TNFSF4: variants seen among roughly 807,000 people sequenced by gnomAD.
The protein encoded by TNFSF4 is tumor necrosis factor ligand superfamily member 4.
TNFSF4 carries 4 observed loss-of-function variants against 7.3 expected under a neutral mutation model. The observed-to-expected ratio is 0.55, with a 90% CI of 0.27 to 1.25. The LOEUF (loss-of-function observed/expected upper bound fraction) is 1.25, where lower values mean the gene tolerates loss of function less well. Among genes scored for constraint, TNFSF4 ranks in the 50% most tolerant of loss-of-function variants. TNFSF4 has a pLI of 0.12. For synonymous variants in TNFSF4, 76 were observed against 83.7 expected (o/e 0.91, Z 0.50); for missense variants, 181 against 208.8 (o/e 0.87, Z 0.82).
the TNFSF4 span, among the ~76,000 whole-genome samples, chr1:173,381,797 T>C: frequency 2.6e-5 from 4 of 152,104 alleles, no homozygotes; most frequent in African/African-American, 4.8e-5. Context: ...GGTGGGGACT[T>C]GAAGAACTTT....
the TNFSF4 span, among the ~76,000 whole-genome samples, chr1:173,216,626 C>A: frequency 1.3e-5 from 2 of 152,106 alleles, no homozygotes; most frequent in Non-Finnish European, 2.9e-5. Flanking sequence ...CTCTCTCTCT[C>A]TTTTTGGAGG....
the TNFSF4 span, among the ~76,000 whole-genome samples, chr1:173,229,249 C>T: frequency 6.6e-6 from 1 of 152,222 alleles, no homozygotes; most frequent in Non-Finnish European, 1.5e-5. Flanking sequence ...AGAAACAATA[C>T]AAGCCAGAAG....
the TNFSF4 span, among the ~76,000 whole-genome samples, chr1:173,410,649 G>A: frequency 2.6e-5 from 4 of 152,356 alleles, no homozygotes; most frequent in African/African-American, 9.6e-5. Flanking sequence ...TTGTGAGCAT[G>A]TCTAAGTGAG....
At chr1:173,253,811 A>G in the TNFSF4 span, among the ~76,000 whole-genome samples, 4 of 152,182 alleles carry the variant, frequency 2.6e-5, no homozygotes, top group African/African-American at 9.6e-5. Context: ...TCTATTAGAA[A>G]TTTCAAAGTT....
chr1:173,333,686 T>G, the TNFSF4 span, among the ~76,000 whole-genome samples: 2 of 152,158 alleles, frequency 1.3e-5, no homozygotes, highest in Non-Finnish European at 2.9e-5. Context: ...TCAGCAGAAC[T>G]CTACCATTCA....
chr1:173,335,393 G>A, the TNFSF4 span, among the ~76,000 whole-genome samples: 2 of 152,104 alleles, frequency 1.3e-5, no homozygotes, highest in African/African-American at 2.4e-5. Context: ...ACTCTTCTCC[G>A]TAGGGGCCAG....
the TNFSF4 span, among the ~76,000 whole-genome samples, chr1:173,325,677 A>G: frequency 5.3e-5 from 8 of 152,170 alleles, no homozygotes; most frequent in African/African-American, 1.7e-4. Flanking sequence ...AAAATGACAA[A>G]GGGGATATCA....
At chr1:173,263,533 A>C in the TNFSF4 span, among the ~76,000 whole-genome samples, 1 of 152,202 alleles carries the variant, frequency 6.6e-6, no homozygotes, top group African/African-American at 2.4e-5. Flanking sequence ...GAAACCACCT[A>C]ACTGGCTAAA....
At chr1:173,356,104 A>G in the TNFSF4 span, among the ~76,000 whole-genome samples, 1 of 152,216 alleles carries the variant, frequency 6.6e-6, no homozygotes, top group Non-Finnish European at 1.5e-5. Context: ...ATATTGACAC[A>G]TTTTGTGAGA....
chr1:173,381,728 C>T, the TNFSF4 span, among the ~76,000 whole-genome samples: 2 of 152,186 alleles, frequency 1.3e-5, no homozygotes, highest in Non-Finnish European at 2.9e-5. Flanking sequence ...CCAACAGCAG[C>T]TGGGGTGTCC....
At chr1:173,269,979 G>A in the TNFSF4 span, among the ~76,000 whole-genome samples, 2 of 152,146 alleles carry the variant, frequency 1.3e-5, no homozygotes, top group African/African-American at 4.8e-5. Context: ...CTCCAGCCTG[G>A]AAGGTTGCAG....
the TNFSF4 span, among the ~76,000 whole-genome samples, chr1:173,324,577 T>A: frequency 3.3e-5 from 5 of 152,094 alleles, no homozygotes; most frequent in African/African-American, 1.2e-4. Flanking sequence ...GCAAATTGAA[T>A]AAAGAGTCAA....
At chr1:173,385,085 A>G in the TNFSF4 span, among the ~76,000 whole-genome samples, 1 of 152,230 alleles carries the variant, frequency 6.6e-6, no homozygotes, top group Admixed American at 6.5e-5. Flanking sequence ...CTGTGGGTAA[A>G]ATGATTTTTC....
At chr1:173,438,136 C>T in the TNFSF4 span, among the ~76,000 whole-genome samples, 36 of 152,070 alleles carry the variant, frequency 2.4e-4, no homozygotes, top group African/African-American at 8.4e-4. Flanking sequence ...TTAATTAAAC[C>T]CTGACTAAAT....
the TNFSF4 span, among the ~76,000 whole-genome samples, chr1:173,408,256 A>C: frequency 2.6e-5 from 4 of 152,228 alleles, no homozygotes; most frequent in Non-Finnish European, 4.4e-5. Flanking sequence ...TTGTTGTTCC[A>C]GAAGGCAAGG....
At chr1:173,428,579 ATAAATT>A in the TNFSF4 span, among the ~76,000 whole-genome samples, 1 of 152,272 alleles carries the variant, frequency 6.6e-6, no homozygotes, top group Non-Finnish European at 1.5e-5. Context: ...TGAGATAATT[ATAAATT>A]TAAATACTGA....
chr1:173,232,566 T>C, the TNFSF4 span, among the ~76,000 whole-genome samples: 2 of 152,294 alleles, frequency 1.3e-5, no homozygotes, highest in Non-Finnish European at 1.5e-5. Context: ...AGGGAATGCT[T>C]CCAGTTTTTG....
chr1:173,375,594 C>T, the TNFSF4 span, among the ~76,000 whole-genome samples: 1 of 152,026 alleles, frequency 6.6e-6, no homozygotes, highest in African/African-American at 2.4e-5. Context: ...CCAATCAGCA[C>T]TCTGTAAAAT....
the TNFSF4 span, among the ~76,000 whole-genome samples, chr1:173,230,336 A>G: frequency 2.0e-5 from 3 of 152,256 alleles, no homozygotes; most frequent in African/African-American, 7.2e-5. Context: ...ACTACTGGGT[A>G]CATAACAAAA....
Sources: gnomAD v4.1 joint callset for allele counts (sites outside exome capture counted in the v4.1 genomes callset) on GRCh38, gnomAD v4.1.1 for gene constraint, MANE v1.5 for transcripts, NCBI Gene and HGNC (gene_info 2026-07-23, HGNC 2026-07-21) for gene names.